Variants in GRM7 observed in about 807,000 individuals in gnomAD.
GRM7 encodes glutamate metabotropic receptor 7, also known as metabotropic glutamate receptor 7.
A neutral mutation model predicts 84.5 loss-of-function variants in GRM7; 35 were observed. The observed-to-expected ratio is 0.41, with a 90% CI of 0.32 to 0.55. The LOEUF (loss-of-function observed/expected upper bound fraction) is 0.55, where lower values mean the gene tolerates loss of function less well. Among genes scored for constraint, GRM7 ranks in the 20% least tolerant of loss-of-function variants. The pLI is 0.19. For synonymous variants in GRM7, 487 were observed against 455.1 expected, an observed-to-expected ratio of 1.07 and a Z score of -0.89; for missense variants, 1,003 against 1,194.6, an observed-to-expected ratio of 0.84 and a Z score of 2.36.
At chr3:7,051,746 A>C (rs17046725) in intron 1 of GRM7, among the ~76,000 whole-genome samples, 20,522 of 151,672 alleles carry the variant, frequency 0.14, 2,003 homozygotes, top group African/African-American at 0.28. Context: ...AAAGTGCAAA[A>C]GATGTCTTGT....
intron 1 of GRM7, among the ~76,000 whole-genome samples, chr3:7,057,885 A>G (rs2124964997): frequency 1.3e-5 from 2 of 152,044 alleles, no homozygotes; most frequent in Non-Finnish European, 2.9e-5. Context: ...TGATCTACTT[A>G]GGCAAATGAA....
chr3:7,689,084 C>T (rs1048089240), intron 9 of GRM7, among the ~76,000 whole-genome samples: 1 of 152,194 alleles, frequency 6.6e-6, no homozygotes, highest in African/African-American at 2.4e-5. Flanking sequence ...ATTAATCTGG[C>T]ATCATCACCA....
chr3:7,595,432 CTTG>C (rs1389355131), intron 8 of GRM7, among the ~76,000 whole-genome samples: 3 of 152,106 alleles, frequency 2.0e-5, no homozygotes, highest in Admixed American at 2.0e-4. Flanking sequence ...TTGTCAAATC[CTTG>C]TTGAACATGT....
intron 7 of GRM7, among the ~76,000 whole-genome samples, chr3:7,531,922 A>C (rs1421909449): frequency 1.3e-5 from 2 of 152,104 alleles, no homozygotes; most frequent in African/African-American, 4.8e-5. Context: ...CCTATTCAGT[A>C]TGTTATTGTC....
chr3:7,454,452 A>G lies in GRM7; in HGVS notation c.1375+1645A>G, dbSNP rs534421590. On this transcript the variant is annotated intron_variant, in intron 6 of 9. Transcript: ENST00000357716. ...AACACAGACAGTAACAAATAATCAT[A>G]ATTATATTATAAACAAATTGTGTAA... 2.0e-5 allele frequency among the ~76,000 whole-genome samples: 3 copies of G among 152,276 alleles called. No homozygotes were observed. The East Asian group carries it at 5.8e-4, about 29-fold the overall frequency.
chr3:7,317,522 A>C (rs1477142680), intron 4 of GRM7, among the ~76,000 whole-genome samples: 3 of 152,120 alleles, frequency 2.0e-5, no homozygotes, highest in African/African-American at 7.2e-5. Flanking sequence ...GATTCAATTT[A>C]CTTCTAGTCC....
At chr3:7,176,272 G>A (rs2125092668) in intron 2 of GRM7, among the ~76,000 whole-genome samples, 1 of 145,976 alleles carries the variant, frequency 6.9e-6, no homozygotes, top group Non-Finnish European at 1.5e-5. Flanking sequence ...ATAGCTGGGT[G>A]TGGTGGTGCA....
intron 4 of GRM7, among the ~76,000 whole-genome samples, chr3:7,330,711 C>T (rs1701173950): frequency 6.6e-6 from 1 of 152,196 alleles, no homozygotes; most frequent in Non-Finnish European, 1.5e-5. Context: ...TCTGAGGCCT[C>T]CCCAGCCACG....
At chr3:7,121,969 T>C (rs192786163) in intron 1 of GRM7, among the ~76,000 whole-genome samples, 3 of 152,282 alleles carry the variant, frequency 2.0e-5, no homozygotes, top group African/African-American at 4.8e-5. Context: ...CCCCTCATGC[T>C]CTCTCTGTCT....
chr3:7,507,481 A>C (rs1700073038), intron 7 of GRM7, among the ~76,000 whole-genome samples: 2 of 152,252 alleles, frequency 1.3e-5, no homozygotes, highest in South Asian at 4.1e-4. Context: ...TCTATGCTCC[A>C]AAGATTTGTC....
At chr3:7,621,008 C>G (rs1352906951) in intron 8 of GRM7, among the ~76,000 whole-genome samples, 2 of 152,048 alleles carry the variant, frequency 1.3e-5, no homozygotes, top group Non-Finnish European at 2.9e-5. Flanking sequence ...GTAGTCTTAG[C>G]CCAACACAGA....
At chr3:7,074,996 CA>C (rs1698013023) in intron 1 of GRM7, among the ~76,000 whole-genome samples, 1 of 152,184 alleles carries the variant, frequency 6.6e-6, no homozygotes, top group Non-Finnish European at 1.5e-5. Context: ...GTCTGAGGAA[CA>C]GTACTGAAGT....
chr3:7,190,411 T>A (rs2125104938), intron 2 of GRM7, among the ~76,000 whole-genome samples: 1 of 152,246 alleles, frequency 6.6e-6, no homozygotes, highest in African/African-American at 2.4e-5. Context: ...AGAAGCAGAT[T>A]TCAAAACAGA....
chr3:6,910,968 C>G (rs1030590561), intron 1 of GRM7, among the ~76,000 whole-genome samples: 9 of 152,088 alleles, frequency 5.9e-5, no homozygotes, highest in African/African-American at 2.2e-4. Flanking sequence ...TTGTATCTAC[C>G]AAGCACTGTA....
chr3:7,384,722 G>T (rs999901064), intron 4 of GRM7, among the ~76,000 whole-genome samples: 1 of 152,068 alleles, frequency 6.6e-6, no homozygotes, highest in African/African-American at 2.4e-5. Flanking sequence ...GCCACACGGG[G>T]CTGGTGGCTA....
chr3:6,939,197 A>G (rs1697801034), intron 1 of GRM7, among the ~76,000 whole-genome samples: 1 of 152,222 alleles, frequency 6.6e-6, no homozygotes, highest in Non-Finnish European at 1.5e-5. Context: ...CTATACATAT[A>G]GAACCAAAAA....
intron 1 of GRM7, among the ~76,000 whole-genome samples, chr3:6,921,510 G>C (rs564992792): frequency 2.6e-5 from 4 of 152,070 alleles, no homozygotes; most frequent in Non-Finnish European, 5.9e-5. Context: ...CTATTAAAAC[G>C]TGTGGATCCA....
chr3:7,707,181 A>G (rs1313770093), intron 9 of GRM7, among the ~76,000 whole-genome samples: 3 of 152,160 alleles, frequency 2.0e-5, no homozygotes. Flanking sequence ...GGCTTTCTCT[A>G]TCTTTCCTCC....
intron 8 of GRM7, chr3:7,636,564 A>T (rs1366210473): frequency 1.2e-5 from 2 of 168,512 alleles, no homozygotes; most frequent in African/African-American, 4.8e-5. Flanking sequence ...GCAGGTTCCT[A>T]TAAATCTTAT....
Sources: gnomAD v4.1 joint callset for allele counts (sites outside exome capture counted in the v4.1 genomes callset) on GRCh38, gnomAD v4.1.1 for gene constraint, MANE v1.5 for transcripts, NCBI Gene and HGNC (gene_info 2026-07-23, HGNC 2026-07-21) for gene names.